Variants in ASH1L observed in about 807,000 individuals in gnomAD.
ASH1L encodes the protein ASH1 like histone lysine methyltransferase, also known as histone-lysine N-methyltransferase ASH1L.
Under a neutral mutation model 269.0 loss-of-function variants are expected in ASH1L, and 23 were observed. The observed-to-expected ratio is 0.09, with a 90% CI of 0.06 to 0.12. The LOEUF (loss-of-function observed/expected upper bound fraction) is 0.12. Ranked by LOEUF, ASH1L falls within the 10% of genes least tolerant of loss-of-function variation. The pLI, the probability that ASH1L is intolerant of heterozygous loss-of-function variation, is 1.00. For missense variants in ASH1L, 2,912 were observed against 3,567.8 expected (o/e 0.82, Z 4.68); for synonymous variants, 1,187 against 1,253.5 (o/e 0.95, Z 1.12).
intron 7 of ASH1L, among the ~76,000 whole-genome samples, chr1:155,382,938 G>C (rs561146395): frequency 1.1e-4 from 16 of 152,136 alleles, no homozygotes; most frequent in Non-Finnish European, 2.2e-4. Context: ...GCCCAGGCTG[G>C]TCTCAAACTC....
At chr1:155,431,385 G>A (rs894183854) in intron 5 of ASH1L, among the ~76,000 whole-genome samples, 2 of 151,990 alleles carry the variant, frequency 1.3e-5, no homozygotes, top group Non-Finnish European at 2.9e-5. Context: ...AACCTCCTGA[G>A]TGCAAGTGAT....
At chr1:155,443,953 A>G (rs1186316762) in intron 4 of ASH1L, among the ~76,000 whole-genome samples, 1 of 151,416 alleles carries the variant, frequency 6.6e-6, no homozygotes, top group Non-Finnish European at 1.5e-5. Context: ...CTCTTGGGTG[A>G]ATACCTAAGA....
chr1:155,449,902 CTAT>C (rs1201841914), intron 4 of ASH1L, among the ~76,000 whole-genome samples: 1 of 152,124 alleles, frequency 6.6e-6, no homozygotes, highest in Non-Finnish European at 1.5e-5. Flanking sequence ...TTTCTACCTA[CTAT>C]GTTTTCTTTC....
intron 5 of ASH1L, among the ~76,000 whole-genome samples, chr1:155,437,827 C>A (rs1486724737): frequency 6.6e-6 from 1 of 152,074 alleles, no homozygotes. Context: ...TGAGTGGGTT[C>A]AGAGTGGATG....
In ASH1L at chr1:155,464,180, G is replaced by T. The variant is rs140724364; in HGVS notation, c.4985-4282C>A. ...TCATGTCTCAAGAGTAGCCATTTTAGATCTGCCTGGAAGGATGTGTGGAGG... is the reference window on the plus strand; with the variant it reads ...TCATGTCTCAAGAGTAGCCATTTTATATCTGCCTGGAAGGATGTGTGGAGG... On this transcript the variant is annotated intron_variant, in intron 3 of 27. Coordinates refer to ENST00000392403, the MANE Select transcript of ASH1L (RefSeq NM_018489.3). Among the ~76,000 whole-genome samples, 64 of 152,266 alleles carry T rather than the reference G, an allele frequency of 4.2e-4. 7 individuals carry two copies. The highest frequency in any genetic ancestry group is 3.9e-3 in the East Asian group (20 of 5,168).
At chr1:155,465,114 G>C (rs1664577222) in intron 3 of ASH1L, among the ~76,000 whole-genome samples, 1 of 151,974 alleles carries the variant, frequency 6.6e-6, no homozygotes, top group Non-Finnish European at 1.5e-5. Flanking sequence ...TGTGAAGACA[G>C]TAAAACAGGC....
chr1:155,504,240 A>T (rs1219343374), intron 2 of ASH1L, among the ~76,000 whole-genome samples: 2 of 152,212 alleles, frequency 1.3e-5, no homozygotes, highest in African/African-American at 4.8e-5. Context: ...AGTTTAAAAA[A>T]ATATATACAC....
At chr1:155,505,825 AAC>A (rs1488119430) in intron 2 of ASH1L, among the ~76,000 whole-genome samples, 2 of 152,152 alleles carry the variant, frequency 1.3e-5, no homozygotes, top group African/African-American at 2.4e-5. Context: ...TAGAAAACCT[AAC>A]ACACTATTAT....
At chr1:155,455,395 T>C (rs1449628574) in intron 4 of ASH1L, among the ~76,000 whole-genome samples, 2 of 152,264 alleles carry the variant, frequency 1.3e-5, no homozygotes, top group East Asian at 1.9e-4. Flanking sequence ...TGTTAGTATA[T>C]TATCCCTTTG....
At chr1:155,398,442 G>T (rs375072511) in intron 6 of ASH1L, among the ~76,000 whole-genome samples, 3 of 152,242 alleles carry the variant, frequency 2.0e-5, no homozygotes, top group East Asian at 3.9e-4. Context: ...TAACACAATG[G>T]TAAGTATTTG....
At chr1:155,554,460 TG>T (rs1401773046) in intron 1 of ASH1L, among the ~76,000 whole-genome samples, 1 of 152,074 alleles carries the variant, frequency 6.6e-6, no homozygotes, top group African/African-American at 2.4e-5. Context: ...TTAGTAGAGA[TG>T]GGATTTCTCC....
chr1:155,556,248 G>A (rs1671577871), intron 1 of ASH1L, among the ~76,000 whole-genome samples: 1 of 152,006 alleles, frequency 6.6e-6, no homozygotes, highest in African/African-American at 2.4e-5. Context: ...CAGATGTGGT[G>A]GCACATACAT....
rs2148322640 is a variant in ASH1L at position 155,343,487 on chromosome 1, C to G, written c.8121-1G>C. ...GTGACCAAAGGCAAACCGTTCCTCT[C>G]TAAAACAATGGAAAAGTGAGAAGGG... On this transcript the variant is annotated splice_acceptor_variant, in intron 23 of 27. Transcript: ENST00000392403. LOFTEE classifies it high-confidence loss of function. The surrounding 1 kb of genome is among the most constrained non-coding windows in gnomAD (Gnocchi z 6.1). The G allele has an allele frequency of 6.2e-7, 1 of 1,613,712 alleles. No homozygotes were observed. Among genetic ancestry groups the G allele is most frequent in the Middle Eastern group, 1.7e-4 (1 of 6,060 alleles).
In ASH1L at chr1:155,337,580, T is replaced by G. The variant is rs945693447; in HGVS notation, c.*80A>C. The G allele has an allele frequency of 3.3e-6, 4 of 1,226,366 alleles. No individual in the cohort carries two copies. Among genetic ancestry groups the G allele is most frequent in the Non-Finnish European group, 4.8e-6 (4 of 832,962 alleles). The allele number at this position is 1,226,366 out of a possible 1,614,324, so 76.0% of individuals were successfully genotyped here. A position where few individuals can be genotyped will look rare whatever the true frequency, so the allele number is the denominator to read the frequency against. ...TGCCCAGATGGACCCTTCCCACCCC[T>G]GTCTATACCCAGAGAGCAGGAGGCA... On this transcript the variant is annotated 3_prime_UTR_variant, in exon 28 of 28. Transcript: ENST00000392403.
At chr1:155,354,402 C>A in intron 16 of ASH1L, 71 bp downstream of exon 16, 1 of 1,418,812 alleles carries the variant, frequency 7.0e-7, no homozygotes. Flanking sequence ...TAGATCATGC[C>A]ATTGCACTCC....
chr1:155,490,338 G>A (rs532857641), intron 2 of ASH1L, among the ~76,000 whole-genome samples: 75 of 151,848 alleles, frequency 4.9e-4, no homozygotes, highest in Non-Finnish European at 8.2e-4. Flanking sequence ...AGGGTTGGGC[G>A]TGGTGGCTCA....
At position 155,338,231 on chromosome 1, in the gene ASH1L, G is replaced by C. The variant is rs201581290; in HGVS notation, c.8661C>G (p.Asn2887Lys). ...CTGTTTTTTTTTCACCCTCACTGAC[G>C]TTAGCAGTGGCCCCTTCCCGTTCTG... ...EEPEREGATA[N>K]VSEGEKKTEE... The change falls in exon 27 of 28, where the codon AAC becomes AAG. Residue 2887 changes from asparagine (N) to lysine (K), a missense_variant. Around this residue, in one of 13 missense-constraint regions of ASH1L, gnomAD observed 154 missense variants for 165.0 expected, o/e 0.93. Coordinates refer to ENST00000392403, the MANE Select transcript of ASH1L (RefSeq NM_018489.3). 1 of 1,613,872 alleles carries C rather than the reference G, an allele frequency of 6.2e-7. No homozygotes were observed.
chr1:155,392,623 G>C (rs1265777444), intron 7 of ASH1L, among the ~76,000 whole-genome samples: 1 of 152,002 alleles, frequency 6.6e-6, no homozygotes, highest in Non-Finnish European at 1.5e-5. Context: ...TGAGGAGCTG[G>C]GACTACAGGC....
intron 1 of ASH1L, among the ~76,000 whole-genome samples, chr1:155,532,292 T>C (rs187284778): frequency 4.7e-4 from 72 of 152,250 alleles, no homozygotes; most frequent in Non-Finnish European, 8.8e-5. Flanking sequence ...CTTTAGAAAA[T>C]TACTAACCAT....
Sources: gnomAD v4.1 joint callset for allele counts (sites outside exome capture counted in the v4.1 genomes callset) on GRCh38, gnomAD v4.1.1 for gene constraint, gnomAD v4.1.1 regional missense constraint, Gnocchi (gnomAD v3.1) non-coding constraint, MANE v1.5 for transcripts, NCBI Gene and HGNC (gene_info 2026-07-23, HGNC 2026-07-21) for gene names.